Variants in DLG5 observed in about 807,000 individuals in gnomAD.
The protein encoded by DLG5 is disks large homolog 5.
A neutral mutation model predicts 189.8 loss-of-function variants in DLG5; 48 were observed. The ratio of observed to expected loss-of-function variants is 0.25; its 90% CI spans 0.20 to 0.32. DLG5 has a LOEUF of 0.32. Ranked by LOEUF, DLG5 falls within the 10% of genes least tolerant of loss-of-function variation. The probability of loss-of-function intolerance (pLI) is 1.00; values close to 1 mark genes in which losing one functional copy is unlikely to be tolerated. For synonymous variants in DLG5, 1,016 were observed against 1,054.1 expected (o/e 0.96, Z 0.70); for missense variants, 2,160 against 2,544.7 (o/e 0.85, Z 3.25).
At chr10:77,931,296 C>T (rs1013267682), upstream of DLG5, among the ~76,000 whole-genome samples, 1 of 152,104 alleles carries the variant, frequency 6.6e-6, no homozygotes, top group Non-Finnish European at 1.5e-5. Context: ...CTCTGTCTCC[C>T]AGGCTGGAGT....
intron 1 of DLG5, among the ~76,000 whole-genome samples, chr10:77,908,432 T>A (rs934270341): frequency 1.3e-5 from 2 of 151,732 alleles, no homozygotes; most frequent in Non-Finnish European, 2.9e-5. Flanking sequence ...CCCATTCCCC[T>A]CTCCAGCCCC....
At chr10:77,814,195 C>T (rs1053803357) in intron 20 of DLG5, among the ~76,000 whole-genome samples, 6 of 151,930 alleles carry the variant, frequency 3.9e-5, no homozygotes, top group African/African-American at 1.4e-4. Flanking sequence ...CCAGGCTGGT[C>T]TCGAACCCCT....
chr10:77,839,455 C>T (rs758416475), intron 7 of DLG5, among the ~76,000 whole-genome samples: 3 of 151,982 alleles, frequency 2.0e-5, no homozygotes, highest in Admixed American at 6.6e-5. Flanking sequence ...GAGCCGAGAT[C>T]GTGCCACTTC....
rs754549262 is a variant in DLG5 at position 77,821,287 on chromosome 10, G to T, written c.3197C>A (p.Pro1066His). 3.8e-5 allele frequency: 62 copies of T among 1,613,592 alleles called. 1 individual carries two copies. The South Asian group carries it at 6.6e-4, about 17-fold the overall frequency. The change falls in exon 15 of 32, where the codon CCT (proline) becomes CAT (histidine). Residue 1066 changes from proline (P) to histidine (H), a missense_variant. Physicochemically the swap from Pro to His is moderately conservative, Grantham distance 77 (BLOSUM62 -2). This residue lies in a region of DLG5 where 754 missense variants were observed against 746.5 expected (regional missense o/e 1.01). Transcript: ENST00000372391. ...DPGEPMHASP[P>H]RKARVRIASS... ...AGCAATGCGGACCCTGGCCTTGCGAGGGGGTGATGCGTGCATGGGCTCCCC... is the reference window on the plus strand; with the variant it reads ...AGCAATGCGGACCCTGGCCTTGCGATGGGGTGATGCGTGCATGGGCTCCCC...
At chr10:77,860,907 CAAG>C (rs1047586511) in intron 2 of DLG5, among the ~76,000 whole-genome samples, 13 of 152,160 alleles carry the variant, frequency 8.5e-5, no homozygotes, top group African/African-American at 2.9e-4. Context: ...AAATTAAAAC[CAAG>C]AAGAATTTTT....
chr10:77,822,446 C>A (rs1397708654), intron 14 of DLG5, among the ~76,000 whole-genome samples: 1 of 152,164 alleles, frequency 6.6e-6, no homozygotes, highest in East Asian at 1.9e-4. Flanking sequence ...GAGTTCGAGA[C>A]CAGCCTGACC....
chr10:77,838,521 C>T (rs1459322015), intron 7 of DLG5, among the ~76,000 whole-genome samples: 1 of 152,196 alleles, frequency 6.6e-6, no homozygotes, highest in Admixed American at 6.5e-5. Flanking sequence ...TCCTGACAGG[C>T]CCCCGGCCTC....
At chr10:77,924,721 T>G (rs1004940802) in intron 1 of DLG5, among the ~76,000 whole-genome samples, 5 of 152,172 alleles carry the variant, frequency 3.3e-5, no homozygotes, top group African/African-American at 1.2e-4. Context: ...AACTCTGACA[T>G]GACCACAACT....
intron 2 of DLG5, chr10:77,868,034 C>T (rs1280490801): frequency 2.2e-6 from 1 of 456,682 alleles, no homozygotes; most frequent in Non-Finnish European, 4.4e-6. Flanking sequence ...AGCAAGCCAC[C>T]AGAAGCGAGG....
At chr10:77,930,856 T>C (rs1846780171), upstream of DLG5, among the ~76,000 whole-genome samples, 1 of 144,810 alleles carries the variant, frequency 6.9e-6, no homozygotes, top group Non-Finnish European at 1.5e-5. Context: ...ATTTCACTCT[T>C]GTTGCCCAGG....
At chr10:77,865,784 G>C (rs1392966701) in intron 2 of DLG5, among the ~76,000 whole-genome samples, 1 of 152,120 alleles carries the variant, frequency 6.6e-6, no homozygotes, top group Non-Finnish European at 1.5e-5. Context: ...AAAACTGCCC[G>C]AGGAGGCCTT....
At chr10:77,806,718 A>AGGGGCCCCCC in intron 26 of DLG5, 40 bp downstream of exon 26, 1 of 1,333,654 alleles carries the variant, frequency 7.5e-7, no homozygotes, top group Non-Finnish European at 1.1e-6. Flanking sequence ...GCCCTCGGCG[A>AGGGGCCCCCC]CCCCTGCCCC....
intron 2 of DLG5, among the ~76,000 whole-genome samples, chr10:77,861,563 CG>C (rs569889625): frequency 1.1e-3 from 160 of 152,286 alleles, no homozygotes; most frequent in African/African-American, 3.8e-3. Flanking sequence ...AGGACCTGGG[CG>C]TGGCTGGCCA....
chr10:77,840,624 C>T (rs555333968), intron 7 of DLG5, among the ~76,000 whole-genome samples: 1 of 152,174 alleles, frequency 6.6e-6, no homozygotes, highest in South Asian at 2.1e-4. Context: ...GAGGCTGAGG[C>T]ACGAGAATTG....
At chr10:77,917,347 A>C (rs553181824) in intron 1 of DLG5, among the ~76,000 whole-genome samples, 6 of 152,026 alleles carry the variant, frequency 3.9e-5, no homozygotes, top group African/African-American at 1.2e-4. Flanking sequence ...ATCTCAAAAA[A>C]AAACAAACAA....
chr10:77,824,550 C>T lies in DLG5; in HGVS notation c.2290-74G>A, dbSNP rs1036222767. 6.8e-6 allele frequency: 8 copies of T among 1,177,524 alleles called. No homozygotes were observed. The African/African-American group carries it at 7.5e-5, about 11-fold the overall frequency. The allele number at this position is 1,177,524 out of a possible 1,614,324, so 72.9% of individuals were successfully genotyped here. A position where few individuals can be genotyped will look rare whatever the true frequency, so the allele number is the denominator to read the frequency against. On this transcript the variant is annotated intron_variant, in intron 13 of 31. Coordinates refer to ENST00000372391, the MANE Select transcript of DLG5 (RefSeq NM_004747.4). Reference sequence around the variant, plus strand: ...GCCTACCAGTCAGGATCTCTGCCTACCTAACCTCCTGTGCTAGACAGTCAC... The same window carrying T: ...GCCTACCAGTCAGGATCTCTGCCTATCTAACCTCCTGTGCTAGACAGTCAC...
intron 6 of DLG5, among the ~76,000 whole-genome samples, chr10:77,842,731 C>A (rs1378391182): frequency 6.6e-6 from 1 of 152,210 alleles, no homozygotes; most frequent in Non-Finnish European, 1.5e-5. Flanking sequence ...ACCGGTTCTG[C>A]ATGGAGCTCC....
At chr10:77,872,661 A>C (rs1400194356) in intron 1 of DLG5, among the ~76,000 whole-genome samples, 2 of 152,194 alleles carry the variant, frequency 1.3e-5, no homozygotes, top group Non-Finnish European at 2.9e-5. Flanking sequence ...TTGTTGTCCT[A>C]AAGGCCTGTG....
rs34154181 is a variant in DLG5 at position 77,843,458 on chromosome 10, G to T, written c.1113C>A (p.Leu371=). The T allele has an allele frequency of 3.1e-6, 5 of 1,613,734 alleles. No individual in the cohort carries two copies. The South Asian group carries it at 5.5e-5, about 18-fold the overall frequency. The change falls in exon 6 of 32, where the codon CTC becomes CTA. Residue 371 remains leucine, a synonymous_variant. Transcript: ENST00000372391. ...TAIQLQHQCA[L]SLRRFEAIHH... ...GGCCCTAGCCCTACCTCCTCAGGGA[G>T]AGGGCGCACTGGTGCTGCAGCTGGA...
Sources: gnomAD v4.1 joint callset for allele counts (sites outside exome capture counted in the v4.1 genomes callset) on GRCh38, gnomAD v4.1.1 for gene constraint, gnomAD v4.1.1 regional missense constraint, MANE v1.5 for transcripts, NCBI Gene and HGNC (gene_info 2026-07-23, HGNC 2026-07-21) for gene names.